The following TTC34 variants were observed in gnomAD, a reference collection of about 807,000 sequenced individuals.
The protein encoded by TTC34 is tetratricopeptide repeat domain 34.
TTC34 carries 44 observed loss-of-function variants against 40.7 expected under a neutral mutation model. That is an observed-to-expected ratio of 1.08 (90% CI 0.85 to 1.39). The LOEUF is 1.39. Among genes scored for constraint, TTC34 ranks in the 40% most tolerant of loss-of-function variants. The pLI, the probability that TTC34 is intolerant of heterozygous loss-of-function variation, is 0.00. For missense variants in TTC34, 884 were observed against 838.0 expected, an observed-to-expected ratio of 1.05 and a Z score of -0.68; for synonymous variants, 422 against 398.6, an observed-to-expected ratio of 1.06 and a Z score of -0.70.
chr1:2,692,285 G>A (rs376854540), intron 6 of TTC34, among the ~76,000 whole-genome samples: 1 of 66,818 alleles, frequency 1.5e-5, no homozygotes, highest in South Asian at 4.8e-4. Flanking sequence ...GCATCTGACA[G>A]CCTGGAGCAG....
At chr1:2,644,616 G>T (rs1230571563) in intron 7 of TTC34, 138 bp from the exon 8 acceptor site, 9 of 900,694 alleles carry the variant, frequency 1.0e-5, no homozygotes, top group Non-Finnish European at 1.5e-5. Flanking sequence ...GGAAGAAGGA[G>T]CTGGGAGCAG....
intron 8 of TTC34, among the ~76,000 whole-genome samples, chr1:2,643,263 A>T (rs1638949810): frequency 6.6e-6 from 1 of 152,112 alleles, no homozygotes; most frequent in Admixed American, 6.5e-5. Flanking sequence ...GGGCGAAACC[A>T]CTGTTGGCTC....
intron 6 of TTC34, among the ~76,000 whole-genome samples, chr1:2,695,649 T>A (rs1231745871): frequency 7.2e-6 from 1 of 138,152 alleles, no homozygotes; most frequent in Non-Finnish European, 1.6e-5. Flanking sequence ...CAGGTGAGCA[T>A]CTGACCGCCT....
At chr1:2,785,601 C>A (rs1643572506) in intron 5 of TTC34, among the ~76,000 whole-genome samples, 1 of 152,190 alleles carries the variant, frequency 6.6e-6, no homozygotes. Context: ...CCAGCTCAGG[C>A]CCCAGGTCTC....
chr1:2,749,403 C>T (rs1195644161), intron 6 of TTC34, among the ~76,000 whole-genome samples: 1 of 93,940 alleles, frequency 1.1e-5, no homozygotes, highest in Non-Finnish European at 2.0e-5. Flanking sequence ...GCACCCTGCA[C>T]CCCCAGGTGC....
At chr1:2,756,806 A>G (rs1641522330) in intron 6 of TTC34, among the ~76,000 whole-genome samples, 12 of 151,876 alleles carry the variant, frequency 7.9e-5, no homozygotes, top group Admixed American at 2.0e-4. Context: ...AACATCCGAC[A>G]GCCTGGAGCA....
At chr1:2,693,006 A>G (rs1409234492) in intron 6 of TTC34, among the ~76,000 whole-genome samples, 14 of 36,238 alleles carry the variant, frequency 3.9e-4, no homozygotes, top group East Asian at 6.9e-4. Flanking sequence ...GCATCTGACA[A>G]CCTGGAGCAG....
chr1:2,790,016 G>A, exon 3 of TTC34: 1 of 395,350 alleles, frequency 2.5e-6, no homozygotes, highest in Non-Finnish European at 4.5e-6. Flanking sequence ...GGCTCCCAGC[G>A]CGGGTCGCGC....
intron 6 of TTC34, among the ~76,000 whole-genome samples, chr1:2,654,248 A>AG (rs1639258696): frequency 7.2e-6 from 1 of 138,636 alleles, no homozygotes; most frequent in Non-Finnish European, 1.5e-5. Flanking sequence ...CAGCACCCAC[A>AG]CCACCAGGTG....
rs1363216604 is a variant in TTC34, at chr1:2,750,335, C to T, written c.2226+33274G>A. Among the ~76,000 whole-genome samples the T allele has an allele frequency of 4.2e-3, 362 of 85,476 alleles. 106 individuals carry two copies. The highest frequency in any genetic ancestry group is 0.02 in the African/African-American group (343 of 16,912). The allele number at this position is 85,476 out of a possible 152,430, so 56.1% of individuals were successfully genotyped here. A position where few individuals can be genotyped will look rare whatever the true frequency, so the allele number is the denominator to read the frequency against. On this transcript the variant is annotated intron_variant, in intron 6 of 8. Coordinates refer to ENST00000401095, the Ensembl canonical transcript of TTC34. ...AACTGCACCCCCATGCCCAGGTGAG[C>T]CTCTGACAGCCTTGAACAGCACCCT...
intron 6 of TTC34, among the ~76,000 whole-genome samples, chr1:2,646,465 AC>A (rs1639023599): frequency 6.6e-6 from 1 of 152,126 alleles, no homozygotes; most frequent in Admixed American, 6.5e-5. Context: ...GTTCACTGCA[AC>A]CTTGAGCTCC....
intron 6 of TTC34, among the ~76,000 whole-genome samples, chr1:2,750,624 C>G (rs879059356): frequency 1.6e-4 from 2 of 12,210 alleles, no homozygotes; most frequent in East Asian, 2.9e-3. Context: ...GAGCATCTGA[C>G]AGCCTGGAGC....
chr1:2,783,531 T>C, intron 6 of TTC34, 78 bp downstream of exon 6: 1 of 1,287,716 alleles, frequency 7.8e-7, no homozygotes, highest in Non-Finnish European at 9.9e-7. Flanking sequence ...GCTCCCTCTC[T>C]CCTTGGGGTG....
chr1:2,768,649 A>T (rs1641882418), intron 6 of TTC34, among the ~76,000 whole-genome samples: 1 of 151,918 alleles, frequency 6.6e-6, no homozygotes, highest in East Asian at 1.9e-4. Flanking sequence ...AGCCTGGAAC[A>T]GCAGCTCACA....
intron 6 of TTC34, among the ~76,000 whole-genome samples, chr1:2,749,051 A>G (rs1641234383): frequency 6.9e-6 from 1 of 145,048 alleles, no homozygotes; most frequent in African/African-American, 2.6e-5. Context: ...CCCCCAGGTG[A>G]GAATCCGACA....
At chr1:2,757,730 C>G (rs1216123833) in intron 6 of TTC34, among the ~76,000 whole-genome samples, 911 of 144,632 alleles carry the variant, frequency 6.3e-3, no homozygotes, top group Admixed American at 9.7e-3. Flanking sequence ...GAGCATCTGA[C>G]AGCCTGTAAC....
At chr1:2,687,220 C>A in intron 6 of TTC34, among the ~76,000 whole-genome samples, 1 of 116,924 alleles carries the variant, frequency 8.6e-6, no homozygotes, top group African/African-American at 4.0e-5. Context: ...GGCGAGCATC[C>A]GACAGCCTGG....
At chr1:2,641,489 C>G in exon 9 of TTC34, 1 of 1,535,688 alleles carries the variant, frequency 6.5e-7, no homozygotes, top group Non-Finnish European at 8.7e-7. Flanking sequence ...CTCTGCGTGA[C>G]GCTGCTCCTC....
At chr1:2,683,398 G>A (rs1570804148) in intron 6 of TTC34, among the ~76,000 whole-genome samples, 2 of 146,334 alleles carry the variant, frequency 1.4e-5, no homozygotes, top group African/African-American at 2.6e-5. Flanking sequence ...ACACGCCCAG[G>A]TGAGCATCCG....
Sources: allele counts gnomAD v4.1 joint callset (sites outside exome capture counted in the v4.1 genomes callset), GRCh38; gene constraint gnomAD v4.1.1; transcripts MANE v1.5; gene names NCBI Gene and HGNC (gene_info 2026-07-23, HGNC 2026-07-21).